DTNA: variants seen among roughly 807,000 people sequenced by gnomAD.
DTNA encodes the protein dystrobrevin alpha.
Under a neutral mutation model 100.7 loss-of-function variants are expected in DTNA, and 43 were observed. The observed-to-expected ratio is 0.43, with a 90% CI of 0.33 to 0.55. The LOEUF is 0.55. DTNA is among the 20% of genes least tolerant of loss of function. DTNA has a pLI of 0.04. For missense variants in DTNA, 798 were observed against 953.9 expected (o/e 0.84, Z 2.15); for synonymous variants, 349 against 347.9 (o/e 1.00, Z -0.04).
chr18:34,792,343 T>C (rs1367535842), intron 3 of DTNA, among the ~76,000 whole-genome samples: 4 of 152,168 alleles, frequency 2.6e-5, no homozygotes, highest in African/African-American at 9.7e-5. Context: ...TCATTTGTTA[T>C]TATAATGGAA....
chr18:34,796,807 A>G (rs1204528234), intron 4 of DTNA, among the ~76,000 whole-genome samples: 1 of 152,182 alleles, frequency 6.6e-6, no homozygotes, highest in Admixed American at 6.5e-5. Context: ...CTAGACTCCC[A>G]GGTAGTTGAA....
At chr18:34,860,220 G>GTTTTTTTTTT (rs55673388) in intron 16 of DTNA, among the ~76,000 whole-genome samples, 10 of 80,274 alleles carry the variant, frequency 1.2e-4, no homozygotes, top group Non-Finnish European at 1.9e-4. Flanking sequence ...CTAATTTTTT[G>GTTTTTTTTTT]TTTTTTTTTT....
intron 1 of DTNA, among the ~76,000 whole-genome samples, chr18:34,616,979 CAG>C (rs1443618372): frequency 2.0e-5 from 3 of 152,028 alleles, no homozygotes; most frequent in Non-Finnish European, 4.4e-5. Context: ...ATTTTGTGCC[CAG>C]AAAGTTTGAT....
chr18:34,640,581 G>A (rs956520332), intron 1 of DTNA, among the ~76,000 whole-genome samples: 1 of 152,200 alleles, frequency 6.6e-6, no homozygotes, highest in Non-Finnish European at 1.5e-5. Context: ...GAATGCAACT[G>A]TAATTCAGAC....
Position 34,890,383 on chromosome 18 carries a change from G to A in DTNA, c.*2649G>A, listed in dbSNP as rs1369346309. The stretch of plus-strand genomic sequence containing the variant: ...GGCGTGTGTTATTTTGGGGTTTTGT[G>A]TTTTTTGGTGGGTTTCTTTCCTTGG... On this transcript the variant is annotated 3_prime_UTR_variant, in exon 23 of 23. Coordinates refer to ENST00000444659, the MANE Select transcript of DTNA (RefSeq NM_001386795.1). 1 of 1,536,038 alleles carries A rather than the reference G, an allele frequency of 6.5e-7. No individual in the cohort carries two copies. Among genetic ancestry groups the A allele is most frequent in the Non-Finnish European group, 8.7e-7 (1 of 1,146,860 alleles).
rs756101872 is a variant in DTNA, at chr18:34,777,102, A to G, written c.148+11061A>G. On this transcript the variant is annotated intron_variant, in intron 3 of 22. Transcript: ENST00000444659. ...TTGTCCTATTGTTTGTATTTTTCCT[A>G]AAGTATTTATTACATTCTAATATAC... is the stretch of plus-strand genomic sequence containing the variant. Among the ~76,000 whole-genome samples the G allele has an allele frequency of 8.3e-4, 127 of 152,276 alleles. 1 individual carries two copies. Among genetic ancestry groups the G allele is most frequent in the Non-Finnish European group, 1.1e-3 (77 of 68,024 alleles).
chr18:34,673,764 C>G (rs972972052), intron 1 of DTNA, among the ~76,000 whole-genome samples: 1 of 152,118 alleles, frequency 6.6e-6, no homozygotes, highest in African/African-American at 2.4e-5. Flanking sequence ...GCTATTTTGT[C>G]CAAATATTGT....
chr18:34,672,938 T>A (rs1193915082), intron 1 of DTNA, among the ~76,000 whole-genome samples: 3 of 152,076 alleles, frequency 2.0e-5, no homozygotes, highest in African/African-American at 7.2e-5. Flanking sequence ...ATTTTCCACA[T>A]TTCCTAAAAG....
intron 1 of DTNA, among the ~76,000 whole-genome samples, chr18:34,527,243 A>G (rs1212647612): frequency 6.6e-6 from 1 of 152,042 alleles, no homozygotes; most frequent in African/African-American, 2.4e-5. Context: ...AGTAAAACAG[A>G]TTAGACTAGA....
At chr18:34,867,297 T>G in intron 17 of DTNA, 1 of 1,231,178 alleles carries the variant, frequency 8.1e-7, no homozygotes, top group Non-Finnish European at 1.0e-6. Context: ...AAGTGTAAAA[T>G]CAATCTGTAA....
At chr18:34,794,351 T>G (rs1336106497) in intron 4 of DTNA, 101 bp downstream of exon 4, 3 of 1,337,258 alleles carry the variant, frequency 2.2e-6, no homozygotes, top group Non-Finnish European at 3.2e-6. Context: ...CTCTCTTTTT[T>G]TTTTTACTCT....
upstream of DTNA, among the ~76,000 whole-genome samples, chr18:34,708,746 C>T (rs2146400376): frequency 6.6e-6 from 1 of 152,354 alleles, no homozygotes; most frequent in Middle Eastern, 3.4e-3. Flanking sequence ...AGTCAGCTTT[C>T]TCATGGTCCC....
At chr18:34,571,925 C>T (rs1879692) in intron 1 of DTNA, among the ~76,000 whole-genome samples, 15,450 of 152,178 alleles carry the variant, frequency 0.1, 1,149 homozygotes, top group African/African-American at 0.2. Flanking sequence ...TTAATTTTGG[C>T]AACACAGCGT....
intron 1 of DTNA, among the ~76,000 whole-genome samples, chr18:34,590,424 G>A (rs1289658867): frequency 6.6e-6 from 1 of 152,132 alleles, no homozygotes; most frequent in African/African-American, 2.4e-5. Context: ...CTATCACCAT[G>A]AGAATACTGC....
At chr18:34,645,320 A>G (rs985630861) in intron 1 of DTNA, among the ~76,000 whole-genome samples, 3 of 152,032 alleles carry the variant, frequency 2.0e-5, no homozygotes, top group Non-Finnish European at 4.4e-5. Context: ...CCACTAGGGC[A>G]GTGTTACTTA....
At chr18:34,514,426 C>A (rs372836316) in intron 1 of DTNA, among the ~76,000 whole-genome samples, 11 of 152,014 alleles carry the variant, frequency 7.2e-5, no homozygotes, top group African/African-American at 2.7e-4. Flanking sequence ...CACTGCTGAC[C>A]CAGGGACCAA....
At chr18:34,620,981 TA>T (rs548076724) in intron 1 of DTNA, among the ~76,000 whole-genome samples, 5 of 151,932 alleles carry the variant, frequency 3.3e-5, no homozygotes, top group Non-Finnish European at 5.9e-5. Flanking sequence ...AATACCATTT[TA>T]AAAAAACCCA....
intron 1 of DTNA, among the ~76,000 whole-genome samples, chr18:34,645,555 C>G (rs2059737058): frequency 6.6e-6 from 1 of 151,940 alleles, no homozygotes; most frequent in South Asian, 2.1e-4. Flanking sequence ...ATGTATAAAT[C>G]CATATAGAAG....
At chr18:34,870,351 A>C (rs2096753135) in intron 17 of DTNA, among the ~76,000 whole-genome samples, 1 of 152,138 alleles carries the variant, frequency 6.6e-6, no homozygotes, top group South Asian at 2.1e-4. Context: ...CTAGCAGGCC[A>C]GCAATAACCT....
Sources: allele counts gnomAD v4.1 joint callset (sites outside exome capture counted in the v4.1 genomes callset), GRCh38; gene constraint gnomAD v4.1.1; transcripts MANE v1.5; gene names NCBI Gene and HGNC (gene_info 2026-07-23, HGNC 2026-07-21).